Variants in ACAD10 observed in about 807,000 individuals in gnomAD.
ACAD10 encodes the protein acyl-CoA dehydrogenase family member 10.
Under a neutral mutation model 116.8 loss-of-function variants are expected in ACAD10, and 112 were observed. The observed-to-expected ratio is 0.96, with a 90% CI of 0.82 to 1.12. The LOEUF is 1.12. ACAD10 is among the 50% of genes most tolerant of loss of function. ACAD10 has a pLI of 0.00. For missense variants in ACAD10, 1,259 were observed against 1,350.2 expected, an observed-to-expected ratio of 0.93 and a Z score of 1.06; for synonymous variants, 486 against 510.6, an observed-to-expected ratio of 0.95 and a Z score of 0.65.
chr12:111,746,095 A>G (rs1480774148), intron 13 of ACAD10, 49 bp from the exon 14 acceptor site: 1 of 1,593,910 alleles, frequency 6.3e-7, no homozygotes, highest in Non-Finnish European at 8.5e-7. Context: ...GGTTCAAAAT[A>G]AAATGAAATC....
At chr12:111,723,408 CGGGCGGGGGGCTG>C (rs1889097019) in intron 8 of ACAD10, among the ~76,000 whole-genome samples, 1 of 132,114 alleles carries the variant, frequency 7.6e-6, no homozygotes, top group South Asian at 2.5e-4. Flanking sequence ...GGCGGCTGGC[CGGGCGGGGGGCTG>C]ACCCCCCCGC....
In ACAD10 at chr12:111,747,440, G is replaced by C. The variant is rs1889944538; in HGVS notation, c.2485+55G>C. ...GCACATCAGGGAGTCTGTGCTGTTA[G>C]GCGCGTCTCTCAATGCCTGGGAGGA... On this transcript the variant is annotated intron_variant, in intron 16 of 20. Transcript: ENST00000313698. The C allele has an allele frequency of 3.1e-6, 5 of 1,603,806 alleles. No homozygotes were observed. The South Asian group carries it at 5.5e-5, about 18-fold the overall frequency.
At position 111,747,144 on chromosome 12, in the gene ACAD10, G is replaced by A. The variant is rs1889931379; in HGVS notation, c.2352G>A (p.Leu784=). The part of the protein sequence containing the change: ...AQKARWLIPL[L]EGKARSCFAM... ...AGGCTCGCTGGCTGATTCCTCTGCT[G>A]GAGGGGAAAGCCCGCTCCTGTTTTG... is the stretch of plus-strand genomic sequence containing the variant. Residue 784 remains leucine (L), a synonymous_variant, in exon 15 of 21, where the codon CTG becomes CTA. Coordinates refer to ENST00000313698, the MANE Select transcript of ACAD10 (RefSeq NM_025247.6). 6.2e-7 allele frequency: 1 copy of A among 1,613,230 alleles called. No homozygotes were observed. Among genetic ancestry groups the A allele is most frequent in the East Asian group, 2.2e-5 (1 of 44,860 alleles).
intron 1 of ACAD10, among the ~76,000 whole-genome samples, chr12:111,692,187 C>T (rs1189469406): frequency 1.3e-5 from 2 of 152,198 alleles, no homozygotes; most frequent in African/African-American, 2.4e-5. Flanking sequence ...AGGCTGGTCT[C>T]GAACTCGCAA....
intron 18 of ACAD10, 151 bp from the exon 19 acceptor site, chr12:111,753,621 C>G (rs1422371218): frequency 2.9e-6 from 3 of 1,041,730 alleles, no homozygotes; most frequent in East Asian, 2.5e-5. Context: ...ACACAGGCAC[C>G]TTGGCTGAGA....
At chr12:111,753,705 A>C in intron 18 of ACAD10, 67 bp from the exon 19 acceptor site, 1 of 1,610,460 alleles carries the variant, frequency 6.2e-7, no homozygotes, top group Non-Finnish European at 8.5e-7. Context: ...GCAGGCCACC[A>C]GCCCCCGCCT....
chr12:111,721,989 C>T, intron 8 of ACAD10: 2 of 325,206 alleles, frequency 6.1e-6, no homozygotes. Flanking sequence ...AATCTAGTTT[C>T]ATGTTGCTTG....
intron 7 of ACAD10, among the ~76,000 whole-genome samples, chr12:111,716,285 T>C (rs1454797578): frequency 1.3e-5 from 2 of 151,820 alleles, no homozygotes; most frequent in African/African-American, 4.8e-5. Context: ...GGTGGGAGGA[T>C]TGCTTGAGCT....
chr12:111,712,506 C>T lies in ACAD10; in HGVS notation c.699C>T (p.Asp233=). The change falls in exon 6 of 21, where the codon GAC becomes GAT. Residue 233 remains aspartate, a synonymous_variant. Coordinates refer to ENST00000313698, the MANE Select transcript of ACAD10 (RefSeq NM_025247.6). ...ATTCTCTCTGAAACCAGGTTAATGACCCAGAGACTGCAGTAAAGGAATTAG... is the reference window on the plus strand; with the variant it reads ...ATTCTCTCTGAAACCAGGTTAATGATCCAGAGACTGCAGTAAAGGAATTAG... The part of the protein sequence containing the change: ...RLGIHTIKVN[D]PETAVKELEA... 6.2e-7 allele frequency: 1 copy of T among 1,613,544 alleles called. No homozygotes were observed. The highest frequency in any genetic ancestry group is 8.5e-7 in the Non-Finnish European group (1 of 1,179,728).
At chr12:111,717,653 A>C (rs915611656) in intron 7 of ACAD10, among the ~76,000 whole-genome samples, 23 of 151,642 alleles carry the variant, frequency 1.5e-4, no homozygotes, top group Non-Finnish European at 2.7e-4. Flanking sequence ...ATAATCTCGA[A>C]CTCCTGGGCT....
intron 2 of ACAD10, among the ~76,000 whole-genome samples, chr12:111,694,750 G>A (rs1028013286): frequency 6.6e-6 from 1 of 152,178 alleles, no homozygotes; most frequent in Admixed American, 6.6e-5. Flanking sequence ...GTGCTTCTGC[G>A]CTTAGCAGCT....
At chr12:111,694,599 C>A (rs530329162) in intron 2 of ACAD10, among the ~76,000 whole-genome samples, 1 of 152,192 alleles carries the variant, frequency 6.6e-6, no homozygotes, top group Non-Finnish European at 1.5e-5. Flanking sequence ...CAATTCACTT[C>A]TCTCCATTGC....
At chr12:111,689,872 C>G (rs568968905) in intron 1 of ACAD10, among the ~76,000 whole-genome samples, 1 of 152,122 alleles carries the variant, frequency 6.6e-6, no homozygotes, top group South Asian at 2.1e-4. Context: ...CCCACCACCA[C>G]GCCCGGCTAA....
intron 9 of ACAD10, 137 bp from the exon 10 acceptor site, chr12:111,729,669 G>A: frequency 9.6e-7 from 1 of 1,041,220 alleles, no homozygotes; most frequent in Non-Finnish European, 1.4e-6. Flanking sequence ...AAATTCTCCA[G>A]TCATAGGAAC....
At chr12:111,746,766 G>A (rs886126535) in intron 14 of ACAD10, among the ~76,000 whole-genome samples, 2 of 152,166 alleles carry the variant, frequency 1.3e-5, no homozygotes, top group African/African-American at 4.8e-5. Context: ...TTTGGAGGCC[G>A]AAGTGTGGGG....
At chr12:111,688,304 T>C (rs1342939067) in intron 1 of ACAD10, 1 of 152,200 alleles carries the variant, frequency 6.6e-6, no homozygotes, top group East Asian at 1.9e-4. Flanking sequence ...AACCTTGACA[T>C]TTTTAGTTTC....
chr12:111,724,541 A>G (rs375514595), intron 8 of ACAD10, among the ~76,000 whole-genome samples: 2,380 of 152,322 alleles, frequency 0.016, 71 homozygotes, highest in African/African-American at 0.054. Flanking sequence ...ACGAGACTCC[A>G]TCTGCAATCC....
intron 9 of ACAD10, 26 bp from the exon 10 acceptor site, chr12:111,729,780 C>A: frequency 6.3e-7 from 1 of 1,599,474 alleles, no homozygotes; most frequent in Non-Finnish European, 8.5e-7. Context: ...AAATTGCACA[C>A]CAAGTTCTAA....
intron 6 of ACAD10, among the ~76,000 whole-genome samples, chr12:111,712,994 G>T (rs1888732881): frequency 6.6e-6 from 1 of 152,174 alleles, no homozygotes; most frequent in Non-Finnish European, 1.5e-5. Flanking sequence ...TGAGACGACA[G>T]CCCATTTTGT....
Sources: gnomAD v4.1 joint callset for allele counts (sites outside exome capture counted in the v4.1 genomes callset) on GRCh38, gnomAD v4.1.1 for gene constraint, MANE v1.5 for transcripts, NCBI Gene and HGNC (gene_info 2026-07-23, HGNC 2026-07-21) for gene names.